Variants in CSMD1 observed in about 807,000 individuals in gnomAD.
CSMD1 encodes the protein CUB and sushi domain-containing protein 1.
Under a neutral mutation model 417.5 loss-of-function variants are expected in CSMD1, and 213 were observed. The ratio of observed to expected loss-of-function variants is 0.51; its 90% CI spans 0.46 to 0.57. CSMD1 has a LOEUF of 0.57. Among genes scored for constraint, CSMD1 ranks in the 20% least tolerant of loss-of-function variants. CSMD1 has a pLI of 0.00. For synonymous variants in CSMD1, 2,862 were observed against 1,736.8 expected, an observed-to-expected ratio of 1.65 and a Z score of -16.11; for missense variants, 6,923 against 4,529.7, an observed-to-expected ratio of 1.53 and a Z score of -15.17.
rs1243797661 is a variant in CSMD1, at chr8:4,878,935, G to C, written c.85+115397C>G. Among the ~76,000 whole-genome samples, 3 of 151,774 alleles carry C rather than the reference G, an allele frequency of 2.0e-5. No individual in the cohort carries two copies. In the East Asian group the frequency reaches 5.9e-4, roughly 30 times the overall value. ...AACGACAAGGTGAAGAGGACGACAA[G>C]GTGAAGAGGACCTGCCAAGGCACAG... is the stretch of plus-strand genomic sequence containing the variant. On this transcript the variant is annotated intron_variant, in intron 1 of 69. Coordinates refer to ENST00000635120, the MANE Select transcript of CSMD1 (RefSeq NM_033225.6).
intron 12 of CSMD1, among the ~76,000 whole-genome samples, chr8:3,452,493 C>A: frequency 6.6e-6 from 1 of 152,158 alleles, no homozygotes; most frequent in Non-Finnish European, 1.5e-5. Flanking sequence ...TACATCCCAT[C>A]AATACCTAAT....
intron 61 of CSMD1, 64 bp downstream of exon 61, chr8:2,962,402 G>C: frequency 7.0e-7 from 1 of 1,424,618 alleles, no homozygotes. Flanking sequence ...ACCCAATTTC[G>C]GAATGAAGCG....
chr8:3,294,502 C>T (rs1446225907), intron 25 of CSMD1, among the ~76,000 whole-genome samples: 1 of 152,114 alleles, frequency 6.6e-6, no homozygotes, highest in Non-Finnish European at 1.5e-5. Context: ...TTTTTTTAGT[C>T]ATTCAAGCCT....
intron 1 of CSMD1, among the ~76,000 whole-genome samples, chr8:4,770,943 C>T (rs913813169): frequency 6.6e-6 from 1 of 151,972 alleles, no homozygotes; most frequent in Admixed American, 6.6e-5. Flanking sequence ...ACAGAACAAA[C>T]AATAAATAAA....
intron 5 of CSMD1, among the ~76,000 whole-genome samples, chr8:3,785,194 G>C (rs1424771346): frequency 6.6e-6 from 1 of 152,146 alleles, no homozygotes; most frequent in Non-Finnish European, 1.5e-5. Context: ...GATGACTACT[G>C]AATTAAAGAG....
intron 23 of CSMD1, among the ~76,000 whole-genome samples, chr8:3,311,951 C>G (rs982391739): frequency 1.3e-5 from 2 of 151,986 alleles, no homozygotes; most frequent in African/African-American, 4.8e-5. Flanking sequence ...GAAATCATGG[C>G]TTTTAAAGAC....
intron 16 of CSMD1, among the ~76,000 whole-genome samples, chr8:3,398,678 T>C (rs955107622): frequency 6.6e-6 from 1 of 152,196 alleles, no homozygotes; most frequent in African/African-American, 2.4e-5. Flanking sequence ...TCAACAAAGA[T>C]GCCTCCCTAG....
intron 1 of CSMD1, among the ~76,000 whole-genome samples, chr8:4,849,558 T>C (rs1801343605): frequency 6.6e-6 from 1 of 152,208 alleles, no homozygotes; most frequent in Non-Finnish European, 1.5e-5. Flanking sequence ...TGACAAGTAC[T>C]CTATACAGGT....
intron 22 of CSMD1, among the ~76,000 whole-genome samples, chr8:3,344,981 C>A: frequency 6.6e-6 from 1 of 152,168 alleles, no homozygotes; most frequent in East Asian, 1.9e-4. Flanking sequence ...CGGGGTCTGA[C>A]ATCCAGAGAC....
At chr8:4,567,299 A>C (rs1407771392) in intron 2 of CSMD1, among the ~76,000 whole-genome samples, 1 of 152,134 alleles carries the variant, frequency 6.6e-6, no homozygotes, top group African/African-American at 2.4e-5. Flanking sequence ...AGCTTGTAAA[A>C]CCCAATAATG....
At chr8:3,914,212 G>A (rs574801124) in intron 5 of CSMD1, among the ~76,000 whole-genome samples, 1 of 152,090 alleles carries the variant, frequency 6.6e-6, no homozygotes, top group Non-Finnish European at 1.5e-5. Context: ...TAAGTAACTT[G>A]AGCACCTGCA....
intron 23 of CSMD1, among the ~76,000 whole-genome samples, chr8:3,339,398 G>T (rs905386449): frequency 6.6e-6 from 1 of 152,058 alleles, no homozygotes; most frequent in Non-Finnish European, 1.5e-5. Flanking sequence ...GGGTAGGGGG[G>T]TTGCCTTAGG....
At chr8:2,954,320 T>C (rs1321693202) in intron 64 of CSMD1, 52 bp from the exon 65 acceptor site, 2 of 1,162,544 alleles carry the variant, frequency 1.7e-6, no homozygotes, top group Non-Finnish European at 2.4e-6. Context: ...TATTTTTGAG[T>C]AAGTTTGAAA....
intron 2 of CSMD1, among the ~76,000 whole-genome samples, chr8:4,535,867 G>T (rs1585218043): frequency 1.3e-5 from 2 of 152,228 alleles, no homozygotes; most frequent in Middle Eastern, 6.8e-3. Flanking sequence ...CAAACTTAGG[G>T]TTACTGAGCT....
At chr8:4,292,403 C>G (rs537621978) in intron 3 of CSMD1, among the ~76,000 whole-genome samples, 1 of 152,154 alleles carries the variant, frequency 6.6e-6, no homozygotes, top group South Asian at 2.1e-4. Context: ...CAGGTGCCCG[C>G]CACCACGCCC....
chr8:3,790,848 C>G (rs1799696779), intron 5 of CSMD1, among the ~76,000 whole-genome samples: 1 of 152,126 alleles, frequency 6.6e-6, no homozygotes, highest in Non-Finnish European at 1.5e-5. Context: ...GTAACCGTCC[C>G]TCTCCCAGGC....
intron 1 of CSMD1, among the ~76,000 whole-genome samples, chr8:4,875,313 G>C (rs913138510): frequency 6.6e-6 from 1 of 152,002 alleles, no homozygotes; most frequent in Non-Finnish European, 1.5e-5. Flanking sequence ...AATATGATAT[G>C]ACCTTGTAAT....
At chr8:4,235,664 G>T (rs183557531) in intron 3 of CSMD1, among the ~76,000 whole-genome samples, 1 of 152,196 alleles carries the variant, frequency 6.6e-6, no homozygotes, top group Admixed American at 6.5e-5. Context: ...CTTTTAAAAT[G>T]GGTCAGCCTG....
chr8:4,477,759 C>A (rs1800883681), intron 2 of CSMD1, among the ~76,000 whole-genome samples: 1 of 152,124 alleles, frequency 6.6e-6, no homozygotes, highest in African/African-American at 2.4e-5. Flanking sequence ...CTCTTACTCA[C>A]AATACTGTAT....
Sources: gnomAD v4.1 joint callset for allele counts (sites outside exome capture counted in the v4.1 genomes callset) on GRCh38, gnomAD v4.1.1 for gene constraint, MANE v1.5 for transcripts, NCBI Gene and HGNC (gene_info 2026-07-23, HGNC 2026-07-21) for gene names.